The following DENND5A variants were observed in gnomAD, a reference collection of about 807,000 sequenced individuals.
DENND5A encodes the protein DENN domain containing 5A, also known as DENN domain-containing protein 5A.
A neutral mutation model predicts 140.3 loss-of-function variants in DENND5A; 64 were observed. The ratio of observed to expected loss-of-function variants is 0.46; its 90% CI spans 0.37 to 0.56. DENND5A has a LOEUF of 0.56. Ranked by LOEUF, DENND5A falls within the 20% of genes least tolerant of loss-of-function variation. The pLI, the probability that DENND5A is intolerant of heterozygous loss-of-function variation, is 0.00. For missense variants in DENND5A, 1,292 were observed against 1,593.8 expected, an observed-to-expected ratio of 0.81 and a Z score of 3.22; for synonymous variants, 605 against 607.7, an observed-to-expected ratio of 1.00 and a Z score of 0.07.
At chr11:9,209,828 G>A (rs375093028) in intron 1 of DENND5A, among the ~76,000 whole-genome samples, 2 of 152,078 alleles carry the variant, frequency 1.3e-5, no homozygotes, top group African/African-American at 4.8e-5. Flanking sequence ...GTAAGGGGCT[G>A]GGCACGGTGG....
At chr11:9,174,586 G>T (rs1848488397) in intron 8 of DENND5A, among the ~76,000 whole-genome samples, 1 of 147,832 alleles carries the variant, frequency 6.8e-6, no homozygotes, top group South Asian at 2.1e-4. Context: ...TACTGTCCTA[G>T]CTACTTGAGA....
At chr11:9,256,253 A>G (rs1019281760) in intron 1 of DENND5A, among the ~76,000 whole-genome samples, 4 of 152,074 alleles carry the variant, frequency 2.6e-5, no homozygotes, top group African/African-American at 9.7e-5. Context: ...TGAAGTCAGG[A>G]GTTCAAGACC....
intron 11 of DENND5A, among the ~76,000 whole-genome samples, chr11:9,163,004 T>G (rs914304299): frequency 2.6e-5 from 4 of 152,138 alleles, no homozygotes; most frequent in Non-Finnish European, 5.9e-5. Context: ...ACTCCTGGCT[T>G]CTGATTTGCT....
chr11:9,238,696 G>C (rs936507378), intron 1 of DENND5A, among the ~76,000 whole-genome samples: 2 of 152,016 alleles, frequency 1.3e-5, no homozygotes, highest in African/African-American at 4.8e-5. Flanking sequence ...TTACAGGTGT[G>C]AGCCACTGTG....
chr11:9,249,080 T>C (rs756779041), intron 1 of DENND5A, among the ~76,000 whole-genome samples: 3 of 151,880 alleles, frequency 2.0e-5, no homozygotes, highest in Non-Finnish European at 4.4e-5. Context: ...ACAAAAAAAT[T>C]AGCCGGGCGT....
intron 12 of DENND5A, among the ~76,000 whole-genome samples, chr11:9,155,801 T>G (rs1270385211): frequency 6.6e-6 from 1 of 152,226 alleles, no homozygotes; most frequent in African/African-American, 2.4e-5. Flanking sequence ...GCCCATCTCC[T>G]TGGAAGATGT....
intron 16 of DENND5A, chr11:9,146,750 A>G (rs1451302768): frequency 2.0e-5 from 6 of 298,606 alleles, no homozygotes; most frequent in Non-Finnish European, 3.7e-5. Flanking sequence ...ACTCCACTCC[A>G]CCTTCATCAG....
intron 1 of DENND5A, among the ~76,000 whole-genome samples, chr11:9,252,275 G>T (rs570865076): frequency 7.8e-6 from 1 of 128,442 alleles, no homozygotes; most frequent in African/African-American, 3.1e-5. Flanking sequence ...CAGCCTGGGC[G>T]ACAGAGCAAG....
At chr11:9,147,286 A>C in intron 15 of DENND5A, 135 bp from the exon 16 acceptor site, 1 of 886,526 alleles carries the variant, frequency 1.1e-6, no homozygotes, top group South Asian at 1.8e-5. Flanking sequence ...CACCCTATAA[A>C]GGAACAAAGC....
At chr11:9,155,549 A>G (rs1230999911) in intron 12 of DENND5A, among the ~76,000 whole-genome samples, 3 of 152,226 alleles carry the variant, frequency 2.0e-5, no homozygotes, top group East Asian at 1.9e-4. Context: ...TTCAAGAGAC[A>G]TGGCCTACTC....
In DENND5A at chr11:9,139,456, C is replaced by T; in HGVS notation, c.*215G>A. 1.8e-6 allele frequency: 1 copy of T among 558,852 alleles called. No individual in the cohort carries two copies. Among genetic ancestry groups the T allele is most frequent in the South Asian group, 2.2e-5 (1 of 45,362 alleles). 34.6% of individuals were successfully genotyped at this position (558,852 alleles called of 1,614,324 possible). ...AAGCGGCACCAGCCTCGCTCCCTCTCCCTATCACTCTTTCACATGAAAGTG... is the reference window on the plus strand; with the variant it reads ...AAGCGGCACCAGCCTCGCTCCCTCTTCCTATCACTCTTTCACATGAAAGTG... On this transcript the variant is annotated 3_prime_UTR_variant, in exon 23 of 23. Coordinates refer to ENST00000328194, the MANE Select transcript of DENND5A (RefSeq NM_015213.4).
chr11:9,208,911 T>G (rs1164390902), intron 1 of DENND5A, among the ~76,000 whole-genome samples: 1 of 152,262 alleles, frequency 6.6e-6, no homozygotes, highest in Non-Finnish European at 1.5e-5. Flanking sequence ...CAGAGCTTTC[T>G]GTAACACCTG....
chr11:9,179,489 T>G (rs538315575), intron 6 of DENND5A, among the ~76,000 whole-genome samples: 26 of 150,640 alleles, frequency 1.7e-4, no homozygotes, highest in Non-Finnish European at 3.2e-4. Flanking sequence ...TCCTTCTTTC[T>G]GCAAAAAAAC....
At chr11:9,233,069 T>C (rs1005271530) in intron 1 of DENND5A, among the ~76,000 whole-genome samples, 1 of 152,056 alleles carries the variant, frequency 6.6e-6, no homozygotes, top group Non-Finnish European at 1.5e-5. Flanking sequence ...GGAAGGCAAA[T>C]AGTGACTGAA....
chr11:9,185,701 T>C (rs1273736282), intron 5 of DENND5A, among the ~76,000 whole-genome samples: 1 of 152,182 alleles, frequency 6.6e-6, no homozygotes, highest in Non-Finnish European at 1.5e-5. Flanking sequence ...CTTGTATATT[T>C]GTGTATCTGT....
chr11:9,164,671 T>C lies in DENND5A; in HGVS notation c.2283+1165A>G, dbSNP rs75531108. On this transcript the variant is annotated intron_variant, in intron 11 of 22. Coordinates refer to ENST00000328194, the MANE Select transcript of DENND5A (RefSeq NM_015213.4). ...CCAAACAATCTAAGCTTAAACGGAA[T>C]GACACATTTTAGCCTGGCACATAGT... Among the ~76,000 whole-genome samples the C allele has an allele frequency of 6.9e-4, 105 of 152,322 alleles. 1 individual carries two copies. The East Asian group carries it at 0.019, about 27-fold the overall frequency.
At position 9,188,398 on chromosome 11, in the gene DENND5A, T is replaced by C. The variant is rs368893702; in HGVS notation, c.1137+5096A>G. On this transcript the variant is annotated intron_variant, in intron 5 of 22. Coordinates refer to ENST00000328194, the MANE Select transcript of DENND5A (RefSeq NM_015213.4). Reference sequence around the variant, plus strand: ...AGAAAAGACTAACACAGTTAATTGGTACCAGTAGAGTGGGGCGCTGCTTAA... The same window carrying C: ...AGAAAAGACTAACACAGTTAATTGGCACCAGTAGAGTGGGGCGCTGCTTAA... Among the ~76,000 whole-genome samples, 34 of 152,358 alleles carry C rather than the reference T, an allele frequency of 2.2e-4. No homozygotes were observed. In the East Asian group the frequency reaches 3.1e-3, roughly 14 times the overall value.
At chr11:9,163,842 G>GA (rs199705474) in intron 11 of DENND5A, among the ~76,000 whole-genome samples, 135 of 140,868 alleles carry the variant, frequency 9.6e-4, no homozygotes, top group African/African-American at 2.6e-3. Context: ...CAGCAGCTTA[G>GA]AAAAAAAAAA....
Position 9,264,068 on chromosome 11 carries a change from T to G in DENND5A, c.109+893A>C, listed in dbSNP as rs80342968. On this transcript the variant is annotated intron_variant, in intron 1 of 22. Transcript: ENST00000328194. Reference sequence around the variant, plus strand: ...AAACCTCCACCCACTTGAAACCCACTAACTGGAAACTCCAGACAAAAACTT... The same window carrying G: ...AAACCTCCACCCACTTGAAACCCACGAACTGGAAACTCCAGACAAAAACTT... Among the ~76,000 whole-genome samples the G allele has an allele frequency of 2.3e-3, 355 of 152,192 alleles. 2 individuals are homozygous for G. Among genetic ancestry groups the G allele is most frequent in the African/African-American group, 8.0e-3 (334 of 41,520 alleles).
Sources: gnomAD v4.1 joint callset for allele counts (sites outside exome capture counted in the v4.1 genomes callset) on GRCh38, gnomAD v4.1.1 for gene constraint, MANE v1.5 for transcripts, NCBI Gene and HGNC (gene_info 2026-07-23, HGNC 2026-07-21) for gene names.